The following GPR21 variants were observed in gnomAD, a reference collection of about 807,000 sequenced individuals.
GPR21 encodes probable G protein-coupled receptor 21.
In GPR21, 9 loss-of-function variants were observed where a neutral mutation model predicts 21.5. The observed-to-expected ratio is 0.42, with a 90% CI of 0.25 to 0.73. GPR21 has a LOEUF of 0.73. Among genes scored for constraint, GPR21 ranks in the 30% least tolerant of loss-of-function variants. GPR21 has a pLI of 0.27. For missense variants in GPR21, 416 were observed against 428.9 expected, an observed-to-expected ratio of 0.97 and a Z score of 0.27; for synonymous variants, 169 against 159.3, an observed-to-expected ratio of 1.06 and a Z score of -0.46.
downstream of GPR21, among the ~76,000 whole-genome samples, chr9:123,037,103 G>C (rs1414689755): frequency 6.6e-6 from 1 of 152,128 alleles, no homozygotes; most frequent in East Asian, 1.9e-4. Context: ...TAATCTGAAT[G>C]CGACAGTGGT....
chr9:123,040,467 G>C (rs2032898836), downstream of GPR21, among the ~76,000 whole-genome samples: 1 of 152,094 alleles, frequency 6.6e-6, no homozygotes, highest in Non-Finnish European at 1.5e-5. Context: ...AATCATCCCT[G>C]CTTCCATTAT....
the GPR21 span, among the ~76,000 whole-genome samples, chr9:123,048,218 C>T: frequency 6.6e-6 from 1 of 152,208 alleles, no homozygotes; most frequent in South Asian, 2.1e-4. Flanking sequence ...GGATTACAGG[C>T]GTGAGCCATC....
chr9:123,035,271 G>T lies in GPR21; in HGVS notation c.705G>T (p.Gln235His). 6.2e-7 allele frequency: 1 copy of T among 1,614,194 alleles called. No individual in the cohort carries two copies. The highest frequency in any genetic ancestry group is 8.5e-7 in the Non-Finnish European group (1 of 1,180,030). The change falls in exon 2 of 2, where the codon CAG becomes CAT. Residue 235 changes from glutamine to histidine, a missense_variant. Coordinates refer to ENST00000616002, the MANE Select transcript of GPR21 (RefSeq NM_005294.3). The part of the protein sequence containing the change: ...ISERQARFSS[Q>H]SGETGEVQAC... ...AAAGGCAAGCCCGCTTCAGCAGCCA[G>T]AGTGGGGAGACTGGGGAAGTGCAGG...
At chr9:123,045,114 T>C in the GPR21 span, among the ~76,000 whole-genome samples, 1 of 152,220 alleles carries the variant, frequency 6.6e-6, no homozygotes, top group African/African-American at 2.4e-5. Context: ...ATAAAAGTAA[T>C]CATATTTTCA....
At position 123,034,236 on chromosome 9, in the gene GPR21, CT is replaced by C. The variant is rs2032478420; in HGVS notation, c.-328del. The C allele has an allele frequency of 5.7e-6, 2 of 349,424 alleles. No homozygotes were observed. The highest frequency in any genetic ancestry group is 1.0e-5 in the Non-Finnish European group (2 of 195,058). The allele number at this position is 349,424 out of a possible 1,614,324, so 21.6% of individuals were successfully genotyped here. On this transcript the variant is annotated 5_prime_UTR_variant, in exon 2 of 2. Transcript: ENST00000616002. ...TAATCTTCTTCCCTTCTCTTCTACC[CT>C]TTCCCCCTACCCTCACTTGGCCTGA...
At chr9:123,044,150 A>G in the GPR21 span, among the ~76,000 whole-genome samples, 5 of 151,942 alleles carry the variant, frequency 3.3e-5, no homozygotes, top group Non-Finnish European at 5.9e-5. Flanking sequence ...TGATCCGCCC[A>G]TCTCGGCCTC....
downstream of GPR21, among the ~76,000 whole-genome samples, chr9:123,037,206 G>A (rs951805863): frequency 6.6e-6 from 1 of 152,168 alleles, no homozygotes; most frequent in South Asian, 2.1e-4. Flanking sequence ...TATAAAGCAG[G>A]CAGATAAGCT....
rs1476632853 is a variant in GPR21, at chr9:123,034,215, C to G, written c.-352C>G. ...TACAACTCCTGCTGAAGCTCCTAAT[C>G]TTCTTCCCTTCTCTTCTACCCTTTC... On this transcript the variant is annotated 5_prime_UTR_variant, in exon 2 of 2. It adds an upstream start codon to the 5' untranslated region. Coordinates refer to ENST00000616002, the MANE Select transcript of GPR21 (RefSeq NM_005294.3). The G allele has an allele frequency of 3.5e-6, 1 of 286,878 alleles. No individual in the cohort carries two copies. The highest frequency in any genetic ancestry group is 2.2e-5 in the African/African-American group (1 of 45,718). 17.8% of individuals were successfully genotyped at this position (286,878 alleles called of 1,614,324 possible).
chr9:123,043,010 T>A, the GPR21 span, among the ~76,000 whole-genome samples: 3 of 152,072 alleles, frequency 2.0e-5, no homozygotes, highest in Non-Finnish European at 4.4e-5. Context: ...TAGAAGATAA[T>A]GGGTAATAGC....
chr9:123,035,639 CGTGTGTGTGTGT>C (rs5900552), exon 2 of GPR21: 294,510 of 717,884 alleles, frequency 0.41, 31,883 homozygotes, highest in South Asian at 0.47. Context: ...ACGGGGTTCC[CGTGTGTGTGTGT>C]GTGTGTGTGT....
At chr9:123,044,089 G>C in the GPR21 span, among the ~76,000 whole-genome samples, 2 of 151,772 alleles carry the variant, frequency 1.3e-5, no homozygotes, top group African/African-American at 4.8e-5. Flanking sequence ...ATTTTTAGTA[G>C]AGACGGGGTT....
At chr9:123,047,267 A>T in the GPR21 span, among the ~76,000 whole-genome samples, 2 of 152,202 alleles carry the variant, frequency 1.3e-5, no homozygotes, top group Non-Finnish European at 2.9e-5. Context: ...GGAGGTAAAA[A>T]ATAAATGGGT....
At chr9:123,049,079 A>G in the GPR21 span, among the ~76,000 whole-genome samples, 1 of 152,248 alleles carries the variant, frequency 6.6e-6, no homozygotes, top group Non-Finnish European at 1.5e-5. Flanking sequence ...ATTTCATTAA[A>G]TAAAGAGCCA....
the GPR21 span, among the ~76,000 whole-genome samples, chr9:123,043,637 G>T: frequency 6.6e-6 from 1 of 151,936 alleles, no homozygotes; most frequent in African/African-American, 2.4e-5. Context: ...GTGTTTGGGG[G>T]GTGAGGGGAA....
chr9:123,043,412 T>C, the GPR21 span, among the ~76,000 whole-genome samples: 1 of 152,040 alleles, frequency 6.6e-6, no homozygotes, highest in Non-Finnish European at 1.5e-5. Flanking sequence ...AAGAATTTAG[T>C]TTTGTGAGAT....
At chr9:123,044,818 A>T in the GPR21 span, among the ~76,000 whole-genome samples, 9 of 152,206 alleles carry the variant, frequency 5.9e-5, no homozygotes, top group African/African-American at 1.7e-4. Context: ...GGCTAGGCTC[A>T]GGGTGGAGTA....
chr9:123,040,300 T>C (rs1234621122), downstream of GPR21, among the ~76,000 whole-genome samples: 2 of 152,194 alleles, frequency 1.3e-5, no homozygotes, highest in Non-Finnish European at 2.9e-5. Context: ...GTCACTTTAT[T>C]AGTTTAAGAA....
chr9:123,045,062 G>T, the GPR21 span, among the ~76,000 whole-genome samples: 6 of 152,162 alleles, frequency 3.9e-5, no homozygotes, highest in African/African-American at 1.2e-4. Context: ...TGAAAGATTT[G>T]TTGGCTTGTT....
chr9:123,044,083 T>G, the GPR21 span, among the ~76,000 whole-genome samples: 2 of 151,874 alleles, frequency 1.3e-5, no homozygotes, highest in Admixed American at 6.6e-5. Flanking sequence ...TTTTGTATTT[T>G]TAGTAGAGAC....
Sources: allele counts gnomAD v4.1 joint callset (sites outside exome capture counted in the v4.1 genomes callset), GRCh38; gene constraint gnomAD v4.1.1; transcripts MANE v1.5; gene names NCBI Gene and HGNC (gene_info 2026-07-23, HGNC 2026-07-21).